The following HERC5 variants were observed in gnomAD, a reference collection of about 807,000 sequenced individuals.
The protein encoded by HERC5 is HECT and RLD domain containing E3 ubiquitin protein ligase 5, also known as E3 ISG15--protein ligase HERC5.
HERC5 carries 99 observed loss-of-function variants against 119.6 expected under a neutral mutation model. The observed-to-expected ratio is 0.83, with a 90% CI of 0.70 to 0.98. The LOEUF (loss-of-function observed/expected upper bound fraction) is 0.98. Ranked by LOEUF, HERC5 falls within the 50% of genes least tolerant of loss-of-function variation. The pLI, the probability that HERC5 is intolerant of heterozygous loss-of-function variation, is 0.00. For synonymous variants in HERC5, 478 were observed against 445.9 expected (o/e 1.07, Z -0.91); for missense variants, 1,267 against 1,241.3 (o/e 1.02, Z -0.31).
At chr4:88,479,310 A>C in intron 12 of HERC5, 43 bp from the exon 13 acceptor site, 1 of 1,514,980 alleles carries the variant, frequency 6.6e-7, no homozygotes, top group South Asian at 1.3e-5. Context: ...AAAGCACAAT[A>C]AAACTCATTT....
chr4:88,460,189 T>G lies in HERC5; in HGVS notation c.466+18T>G, dbSNP rs370627596. 575 of 1,344,238 alleles carry G rather than the reference T, an allele frequency of 4.3e-4. 1 individual carries two copies. The highest frequency in any genetic ancestry group is 5.9e-4 in the Non-Finnish European group (551 of 941,460). 83.3% of individuals were successfully genotyped at this position (1,344,238 alleles called of 1,614,324 possible). On this transcript the variant is annotated intron_variant, in intron 3 of 22. Coordinates refer to ENST00000264350, the MANE Select transcript of HERC5 (RefSeq NM_016323.4). ...CTCAAAAGGTAATTTTTCTGTAATATTAATAGTTTTGTAGAAGTAATACCT... is the reference window on the plus strand; with the variant it reads ...CTCAAAAGGTAATTTTTCTGTAATAGTAATAGTTTTGTAGAAGTAATACCT...
Position 88,505,580 on chromosome 4 carries a change from A to G in HERC5, c.2870-93A>G, listed in dbSNP as rs897328486. Reference sequence around the variant, plus strand: ...ATGTAGGACACTGCACATGGGCTCCAGTGAAGTTTTGTGAATAAATAGATT... The same window carrying G: ...ATGTAGGACACTGCACATGGGCTCCGGTGAAGTTTTGTGAATAAATAGATT... On this transcript the variant is annotated intron_variant, in intron 22 of 22. Coordinates refer to ENST00000264350, the MANE Select transcript of HERC5 (RefSeq NM_016323.4). The G allele has an allele frequency of 2.0e-5, 14 of 708,376 alleles. No individual in the cohort carries two copies. The Admixed American group carries it at 3.0e-4, about 15-fold the overall frequency. 43.9% of individuals were successfully genotyped at this position (708,376 alleles called of 1,614,324 possible).
intron 11 of HERC5, among the ~76,000 whole-genome samples, chr4:88,475,117 C>CT (rs764084976): frequency 0.056 from 6,126 of 109,900 alleles, 426 homozygotes; most frequent in African/African-American, 0.17. Context: ...CGGATTTTGT[C>CT]TTTTTTTTTT....
At chr4:88,468,549 C>T in intron 8 of HERC5, 127 bp downstream of exon 8, 1 of 591,634 alleles carries the variant, frequency 1.7e-6, no homozygotes. Flanking sequence ...GATAGCTGGA[C>T]ATTACTGATC....
chr4:88,478,990 C>G (rs1262184736), intron 12 of HERC5, among the ~76,000 whole-genome samples: 3 of 151,808 alleles, frequency 2.0e-5, no homozygotes, highest in Non-Finnish European at 4.4e-5. Flanking sequence ...TTGTAGACCT[C>G]AAATATACCC....
chr4:88,472,796 G>A (rs1039402578), intron 11 of HERC5, among the ~76,000 whole-genome samples: 3 of 152,186 alleles, frequency 2.0e-5, no homozygotes, highest in African/African-American at 4.8e-5. Context: ...GCTTTAGGAA[G>A]ATGATTAAGG....
At chr4:88,503,889 AC>A (rs1350042788) in intron 20 of HERC5, among the ~76,000 whole-genome samples, 2 of 151,972 alleles carry the variant, frequency 1.3e-5, no homozygotes, top group Non-Finnish European at 2.9e-5. Context: ...ACATGGTAAA[AC>A]CCCATCTCTA....
At chr4:88,465,037 T>C (rs1740608443) in intron 6 of HERC5, among the ~76,000 whole-genome samples, 1 of 152,208 alleles carries the variant, frequency 6.6e-6, no homozygotes, top group Admixed American at 6.5e-5. Context: ...CCCAAAGTGC[T>C]GGGATTACAG....
Position 88,458,391 on chromosome 4 carries a change from T to G in HERC5, c.265+857T>G, listed in dbSNP as rs13152493. Among the ~76,000 whole-genome samples, 1,160 of 152,178 alleles carry G rather than the reference T, an allele frequency of 7.6e-3. 11 individuals carry two copies. The highest frequency in any genetic ancestry group is 0.012 in the Non-Finnish European group (825 of 68,006). The stretch of plus-strand genomic sequence containing the variant: ...AAAATGTACTCATTTTTGTAGTAAT[T>G]TTAAGGTTTTTTTTTTTAAGTTAAA... On this transcript the variant is annotated intron_variant, in intron 1 of 22. Coordinates refer to ENST00000264350, the MANE Select transcript of HERC5 (RefSeq NM_016323.4).
intron 14 of HERC5, 70 bp from the exon 15 acceptor site, chr4:88,486,999 G>A: frequency 9.9e-7 from 1 of 1,011,650 alleles, no homozygotes; most frequent in Non-Finnish European, 1.5e-6. Flanking sequence ...AGGGATGTAA[G>A]GCTATGAGGT....
At chr4:88,491,756 A>G (rs1478078611) in intron 16 of HERC5, among the ~76,000 whole-genome samples, 2 of 151,982 alleles carry the variant, frequency 1.3e-5, no homozygotes, top group Non-Finnish European at 2.9e-5. Context: ...ATTGGAGACA[A>G]TGTGTTGGGA....
intron 5 of HERC5, 44 bp downstream of exon 5, chr4:88,463,667 C>T (rs1326887899): frequency 5.9e-6 from 9 of 1,532,122 alleles, no homozygotes; most frequent in South Asian, 3.4e-5. Context: ...TTTAGAAGAA[C>T]AGTTTGTATG....
chr4:88,505,752 G>A lies in HERC5; in HGVS notation c.2949G>A (p.Trp983Ter). 4 of 1,606,594 alleles carry A rather than the reference G, an allele frequency of 2.5e-6. No individual in the cohort carries two copies. The highest frequency in any genetic ancestry group is 3.4e-6 in the Non-Finnish European group (4 of 1,173,304). Residue 983 changes from tryptophan (W) to a stop codon, truncating the protein, a stop_gained, in exon 23 of 23, where the codon TGG (tryptophan) becomes TGA (stop). Coordinates refer to ENST00000264350, the MANE Select transcript of HERC5 (RefSeq NM_016323.4). LOFTEE classifies it low-confidence loss of function (END_TRUNC). The part of the protein sequence containing the change: ...MKITFCCPES[W>*]NERDPIRALT... ...TAACATTTTGCTGTCCTGAAAGTTG[G>A]AATGAAAGAGACCCTATAAGAGCAC...
chr4:88,493,671 A>G (rs1198908176), intron 17 of HERC5, among the ~76,000 whole-genome samples: 4 of 152,064 alleles, frequency 2.6e-5, no homozygotes, highest in Non-Finnish European at 5.9e-5. Flanking sequence ...CAGTGCCATG[A>G]TCTTAACTCA....
In HERC5 at chr4:88,505,910, T is replaced by A; in HGVS notation, c.*32T>A. The A allele has an allele frequency of 6.6e-7, 1 of 1,526,116 alleles. No individual in the cohort carries two copies. Among genetic ancestry groups the A allele is most frequent in the Non-Finnish European group, 9.0e-7 (1 of 1,114,690 alleles). 94.5% of individuals were successfully genotyped at this position (1,526,116 alleles called of 1,614,324 possible). On this transcript the variant is annotated 3_prime_UTR_variant, in exon 23 of 23. Transcript: ENST00000264350. ...TGCTTGTCCAACAGCCTTATTTTGT[T>A]GTTGTTATCGTTGTTGTTGTTGTTG... is the stretch of plus-strand genomic sequence containing the variant.
chr4:88,490,200 T>C (rs1179265209), intron 16 of HERC5, among the ~76,000 whole-genome samples: 2 of 152,196 alleles, frequency 1.3e-5, no homozygotes, highest in African/African-American at 4.8e-5. Context: ...GACCAGTAGA[T>C]CTTTTGAGTG....
chr4:88,495,374 C>A, intron 18 of HERC5, among the ~76,000 whole-genome samples: 1 of 151,836 alleles, frequency 6.6e-6, no homozygotes, highest in East Asian at 1.9e-4. Context: ...CACGGCGAGA[C>A]CTCATCTCTA....
chr4:88,480,071 A>C (rs1312579245), intron 13 of HERC5, among the ~76,000 whole-genome samples: 1 of 151,220 alleles, frequency 6.6e-6, no homozygotes, highest in African/African-American at 2.4e-5. Flanking sequence ...CGTCTCAAAA[A>C]AAAAAAAAAA....
chr4:88,492,886 T>C (rs1741690745), intron 16 of HERC5, 126 bp from the exon 17 acceptor site: 2 of 760,066 alleles, frequency 2.6e-6, no homozygotes, highest in Non-Finnish European at 4.2e-6. Context: ...GTAGGATACT[T>C]ACCTCAGTGC....
Sources: gnomAD v4.1 joint callset for allele counts (sites outside exome capture counted in the v4.1 genomes callset) on GRCh38, gnomAD v4.1.1 for gene constraint, MANE v1.5 for transcripts, NCBI Gene and HGNC (gene_info 2026-07-23, HGNC 2026-07-21) for gene names.